MRAP2: variants seen among roughly 807,000 people sequenced by gnomAD.
MRAP2 encodes the protein melanocortin-2 receptor accessory protein 2.
MRAP2 carries 20 observed loss-of-function variants against 17.4 expected under a neutral mutation model. That is an observed-to-expected ratio of 1.15 (90% CI 0.81 to 1.67). MRAP2 has a LOEUF of 1.67. MRAP2 is among the 40% of genes most tolerant of loss of function. The pLI is 0.00. For missense variants in MRAP2, 238 were observed against 240.0 expected (o/e 0.99, Z 0.05); for synonymous variants, 96 against 88.4 (o/e 1.09, Z -0.48).
At chr6:84,121,062 C>T in the MRAP2 span, among the ~76,000 whole-genome samples, 1 of 149,414 alleles carries the variant, frequency 6.7e-6, no homozygotes, top group Non-Finnish European at 1.5e-5. Context: ...TTGCTTTTTA[C>T]CTTTTTATTT....
At chr6:84,123,794 T>C in the MRAP2 span, among the ~76,000 whole-genome samples, 4 of 151,960 alleles carry the variant, frequency 2.6e-5, no homozygotes, top group African/African-American at 9.7e-5. Flanking sequence ...ATAACCTACA[T>C]AATGGAAAAT....
chr6:84,129,007 C>A, the MRAP2 span, among the ~76,000 whole-genome samples: 1 of 152,142 alleles, frequency 6.6e-6, no homozygotes, highest in South Asian at 2.1e-4. Context: ...CATGTTCCTG[C>A]AAAGGACATG....
At chr6:84,111,135 G>T in the MRAP2 span, among the ~76,000 whole-genome samples, 1 of 151,904 alleles carries the variant, frequency 6.6e-6, no homozygotes, top group Non-Finnish European at 1.5e-5. Context: ...TTCCAATTCT[G>T]TGAAGAAAGT....
chr6:84,059,561 C>A (rs2099492561), intron 2 of MRAP2, among the ~76,000 whole-genome samples: 1 of 152,120 alleles, frequency 6.6e-6, no homozygotes, highest in African/African-American at 2.4e-5. Context: ...CTAGTCCTAC[C>A]CTAGATTGGG....
At chr6:84,102,691 T>C in the MRAP2 span, among the ~76,000 whole-genome samples, 27 of 152,252 alleles carry the variant, frequency 1.8e-4, no homozygotes, top group Middle Eastern at 3.4e-3. Flanking sequence ...AAAACTAATA[T>C]AGGGAGGATT....
chr6:84,101,369 A>G, the MRAP2 span, among the ~76,000 whole-genome samples: 2 of 152,318 alleles, frequency 1.3e-5, no homozygotes, highest in South Asian at 4.1e-4. Context: ...TTTCATACTT[A>G]TTAGGGACAA....
chr6:84,134,844 T>C, the MRAP2 span, among the ~76,000 whole-genome samples: 1 of 151,274 alleles, frequency 6.6e-6, no homozygotes, highest in Non-Finnish European at 1.5e-5. Context: ...AATAATTATA[T>C]TATAATGCCT....
chr6:84,093,655 C>T (rs1211288676), downstream of MRAP2, among the ~76,000 whole-genome samples: 1 of 152,182 alleles, frequency 6.6e-6, no homozygotes, highest in Non-Finnish European at 1.5e-5. Flanking sequence ...AGTGTTTTAT[C>T]AGGGCATGTA....
At chr6:84,058,870 T>G (rs570456551) in intron 2 of MRAP2, among the ~76,000 whole-genome samples, 4 of 152,302 alleles carry the variant, frequency 2.6e-5, no homozygotes, top group African/African-American at 9.6e-5. Context: ...CCATTGGATT[T>G]ATAATGTAGA....
At chr6:84,033,683 C>G (rs990621767), upstream of MRAP2, 4 of 985,096 alleles carry the variant, frequency 4.1e-6, no homozygotes, top group African/African-American at 1.7e-5. Flanking sequence ...GGAGGCGGCT[C>G]CCGCGCTGCA....
intron 3 of MRAP2, among the ~76,000 whole-genome samples, chr6:84,077,371 T>C (rs1471390316): frequency 6.6e-6 from 1 of 152,046 alleles, no homozygotes; most frequent in Non-Finnish European, 1.5e-5. Flanking sequence ...GCACAGAGAG[T>C]GGCAGTCTTG....
chr6:84,066,877 A>G (rs944054101), intron 3 of MRAP2, among the ~76,000 whole-genome samples: 1 of 152,228 alleles, frequency 6.6e-6, no homozygotes, highest in Non-Finnish European at 1.5e-5. Flanking sequence ...GATGTTAGCA[A>G]GCAACCAGAT....
At chr6:84,091,935 A>G (rs1005105518), downstream of MRAP2, among the ~76,000 whole-genome samples, 7 of 152,232 alleles carry the variant, frequency 4.6e-5, no homozygotes, top group Middle Eastern at 6.3e-3. Context: ...TTAGTGACTT[A>G]GAGCAACACA....
At position 84,076,260 on chromosome 6, in the gene MRAP2, G is replaced by A. The variant is rs142570958; in HGVS notation, c.228-12831G>A. On this transcript the variant is annotated intron_variant, in intron 3 of 3. Transcript: ENST00000257776. The stretch of plus-strand genomic sequence containing the variant: ...TTTTTTTGAGACAGAGTCTCACTCT[G>A]TCACCCCGGCTGAAGTGCAGTGGCA... Among the ~76,000 whole-genome samples, 857 of 147,682 alleles carry A rather than the reference G, an allele frequency of 5.8e-3. 4 individuals are homozygous for A. The highest frequency in any genetic ancestry group is 0.021 in the African/African-American group (822 of 39,554).
At chr6:84,114,036 G>C in the MRAP2 span, among the ~76,000 whole-genome samples, 1 of 152,080 alleles carries the variant, frequency 6.6e-6, no homozygotes, top group Admixed American at 6.5e-5. Context: ...CAACCTTGTT[G>C]AATCTGACAA....
intron 3 of MRAP2, among the ~76,000 whole-genome samples, chr6:84,073,323 C>T (rs1164226622): frequency 6.6e-6 from 1 of 152,202 alleles, no homozygotes; most frequent in Non-Finnish European, 1.5e-5. Context: ...CAGGTATGGT[C>T]AGAAACTTCT....
At chr6:84,055,518 T>G in intron 2 of MRAP2, 73 bp downstream of exon 2, 1 of 1,447,736 alleles carries the variant, frequency 6.9e-7, no homozygotes, top group Non-Finnish European at 9.5e-7. Flanking sequence ...CAAGGATTAC[T>G]TCTCCTGAGC....
the MRAP2 span, chr6:84,125,355 A>G: frequency 8.0e-7 from 1 of 1,249,344 alleles, no homozygotes; most frequent in Non-Finnish European, 1.1e-6. Flanking sequence ...TAAAGTAGGC[A>G]AACCTGGGGT....
downstream of MRAP2, among the ~76,000 whole-genome samples, chr6:84,093,421 C>G (rs1012976504): frequency 2.0e-5 from 3 of 151,762 alleles, no homozygotes; most frequent in African/African-American, 7.3e-5. Context: ...CCCACAGGAC[C>G]CTAAAATGAG....
Sources: allele counts gnomAD v4.1 joint callset (sites outside exome capture counted in the v4.1 genomes callset), GRCh38; gene constraint gnomAD v4.1.1; transcripts MANE v1.5; gene names NCBI Gene and HGNC (gene_info 2026-07-23, HGNC 2026-07-21).